PLCB1: variants seen among roughly 807,000 people sequenced by gnomAD.
PLCB1 encodes phospholipase C beta 1.
In PLCB1, 46 loss-of-function variants were observed where a neutral mutation model predicts 161.8. That is an observed-to-expected ratio of 0.28 (90% CI 0.22 to 0.36). PLCB1 has a LOEUF of 0.36. Among genes scored for constraint, PLCB1 ranks in the 10% least tolerant of loss-of-function variants. The pLI is 1.00. For synonymous variants in PLCB1, 517 were observed against 503.7 expected (o/e 1.03, Z -0.35); for missense variants, 1,016 against 1,472.5 (o/e 0.69, Z 5.07).
chr20:8,711,270 G>A (rs1172374993), intron 12 of PLCB1, among the ~76,000 whole-genome samples: 2 of 152,172 alleles, frequency 1.3e-5, no homozygotes, highest in East Asian at 3.9e-4. Flanking sequence ...GACAACGAGA[G>A]CATCCACCAG....
At chr20:8,530,774 C>A (rs981538990) in intron 3 of PLCB1, among the ~76,000 whole-genome samples, 1 of 151,990 alleles carries the variant, frequency 6.6e-6, no homozygotes, top group Admixed American at 6.6e-5. Context: ...TTTTTATATT[C>A]AAGCATTTGG....
chr20:8,870,656 G>A (rs1409600731), intron 31 of PLCB1, among the ~76,000 whole-genome samples: 1 of 152,156 alleles, frequency 6.6e-6, no homozygotes, highest in East Asian at 1.9e-4. Flanking sequence ...TATTGATTCA[G>A]TATTTGGATC....
At chr20:8,508,206 T>G (rs186771264) in intron 3 of PLCB1, among the ~76,000 whole-genome samples, 1 of 152,184 alleles carries the variant, frequency 6.6e-6, no homozygotes, top group African/African-American at 2.4e-5. Flanking sequence ...CTATATTGCA[T>G]GTATAGAAAA....
intron 3 of PLCB1, among the ~76,000 whole-genome samples, chr20:8,474,082 T>C (rs1389701599): frequency 6.6e-6 from 1 of 152,202 alleles, no homozygotes; most frequent in East Asian, 1.9e-4. Flanking sequence ...GGGCATCCAG[T>C]TCGTTCCCAT....
chr20:8,746,393 GA>G (rs1236280203), intron 23 of PLCB1, among the ~76,000 whole-genome samples: 1 of 152,080 alleles, frequency 6.6e-6, no homozygotes, highest in Non-Finnish European at 1.5e-5. Flanking sequence ...AATATTATGT[GA>G]TAATGTCATA....
Position 8,593,895 on chromosome 20 carries a change from T to G in PLCB1, c.247-34399T>G, listed in dbSNP as rs1600176729. On this transcript the variant is annotated intron_variant, in intron 3 of 31. Coordinates refer to ENST00000338037, the MANE Select transcript of PLCB1 (RefSeq NM_015192.4). Reference sequence around the variant, plus strand: ...AAGCCCAAATCTGTGTTATTTTATTTTATTTTAGAGGCAGAATCTTGCTCT... The same window carrying G: ...AAGCCCAAATCTGTGTTATTTTATTGTATTTTAGAGGCAGAATCTTGCTCT... 2.6e-5 allele frequency among the ~76,000 whole-genome samples: 4 copies of G among 152,112 alleles called. No homozygotes were observed. In the South Asian group the frequency reaches 8.3e-4, roughly 32 times the overall value.
At chr20:8,515,535 T>C (rs57643980) in intron 3 of PLCB1, among the ~76,000 whole-genome samples, 13,658 of 152,208 alleles carry the variant, frequency 0.09, 673 homozygotes, top group Middle Eastern at 0.12. Flanking sequence ...TATCTAGAAA[T>C]TTGTATTCCT....
At chr20:8,537,241 G>A (rs1342780782) in intron 3 of PLCB1, among the ~76,000 whole-genome samples, 1 of 152,172 alleles carries the variant, frequency 6.6e-6, no homozygotes, top group African/African-American at 2.4e-5. Context: ...TGGACATCTT[G>A]GAGGTCAAGT....
At chr20:8,276,986 C>CTTATTATTATTATTATTA (rs59903648) in intron 2 of PLCB1, among the ~76,000 whole-genome samples, 27 of 93,348 alleles carry the variant, frequency 2.9e-4, no homozygotes, top group East Asian at 1.7e-3. Context: ...TCTTCTTCTT[C>CTTATTATTATTATTATTA]TTATTATTAT....
intron 2 of PLCB1, among the ~76,000 whole-genome samples, chr20:8,319,600 G>C (rs1984815021): frequency 6.6e-6 from 1 of 152,062 alleles, no homozygotes; most frequent in Non-Finnish European, 1.5e-5. Flanking sequence ...AGTACAAGAA[G>C]GAGGGGGTGA....
intron 31 of PLCB1, among the ~76,000 whole-genome samples, chr20:8,859,463 G>GGCT (rs1172319202): frequency 1.3e-5 from 2 of 152,168 alleles, no homozygotes; most frequent in Admixed American, 6.5e-5. Flanking sequence ...ACTGGTCCTA[G>GGCT]GACCACACTT....
At chr20:8,620,707 C>G (rs780049587) in intron 3 of PLCB1, among the ~76,000 whole-genome samples, 9 of 146,898 alleles carry the variant, frequency 6.1e-5, no homozygotes, top group Non-Finnish European at 7.4e-5. Context: ...CCACTGCACT[C>G]CAGCCTGGGT....
In PLCB1 at chr20:8,882,708, A is replaced by G. The variant is rs972627825; in HGVS notation, c.*859A>G. Reference sequence around the variant, plus strand: ...AGTTGAGCTGATATATGTTAAGCAGATATTCAATCAGAATGAACAGGTTCC... The same window carrying G: ...AGTTGAGCTGATATATGTTAAGCAGGTATTCAATCAGAATGAACAGGTTCC... On this transcript the variant is annotated 3_prime_UTR_variant, in exon 32 of 32. Coordinates refer to ENST00000338037, the MANE Select transcript of PLCB1 (RefSeq NM_015192.4). 2.6e-5 allele frequency: 4 copies of G among 152,320 alleles called. No homozygotes were observed. Among genetic ancestry groups the G allele is most frequent in the African/African-American group, 9.6e-5 (4 of 41,458 alleles). The allele number at this position is 152,320 out of a possible 1,614,324, so 9.4% of individuals were successfully genotyped here.
chr20:8,709,892 T>C (rs1978899596), intron 12 of PLCB1, among the ~76,000 whole-genome samples: 1 of 152,190 alleles, frequency 6.6e-6, no homozygotes, highest in South Asian at 2.1e-4. Context: ...TTCTGTTCCA[T>C]GCTATTTCTG....
intron 1 of PLCB1, among the ~76,000 whole-genome samples, chr20:8,134,332 G>A (rs573083244): frequency 3.3e-5 from 5 of 152,284 alleles, no homozygotes; most frequent in African/African-American, 1.2e-4. Flanking sequence ...GAGAGTGAAG[G>A]GCAGAGGAAA....
intron 31 of PLCB1, among the ~76,000 whole-genome samples, chr20:8,812,809 A>G (rs1984894893): frequency 6.6e-6 from 1 of 152,166 alleles, no homozygotes; most frequent in South Asian, 2.1e-4. Flanking sequence ...AACCAATCCT[A>G]TGGGGAGTGA....
In PLCB1 at chr20:8,603,066, A is replaced by C. The variant is rs150628701; in HGVS notation, c.247-25228A>C. On this transcript the variant is annotated intron_variant, in intron 3 of 31. Coordinates refer to ENST00000338037, the MANE Select transcript of PLCB1 (RefSeq NM_015192.4). ...GGATGATTTGCATTATATGAAGGACACCGAAACACAGAAAATGAAAGGTCT... is the reference window on the plus strand; with the variant it reads ...GGATGATTTGCATTATATGAAGGACCCCGAAACACAGAAAATGAAAGGTCT... Among the ~76,000 whole-genome samples the C allele has an allele frequency of 5.7e-3, 861 of 152,356 alleles. 3 individuals are homozygous for C. Among genetic ancestry groups the C allele is most frequent in the South Asian group, 0.017 (83 of 4,832 alleles).
chr20:8,446,276 T>A (rs1031808638), intron 3 of PLCB1, among the ~76,000 whole-genome samples: 1 of 152,106 alleles, frequency 6.6e-6, no homozygotes, highest in African/African-American at 2.4e-5. Context: ...ATAAACGTAA[T>A]CCAGCATATA....
At chr20:8,710,466 T>A (rs1473629111) in intron 12 of PLCB1, among the ~76,000 whole-genome samples, 22 of 151,324 alleles carry the variant, frequency 1.5e-4, no homozygotes, top group Admixed American at 1.4e-3. Context: ...ACTTGAGCAC[T>A]TTTCTTTCAG....
Sources: gnomAD v4.1 joint callset for allele counts (sites outside exome capture counted in the v4.1 genomes callset) on GRCh38, gnomAD v4.1.1 for gene constraint, MANE v1.5 for transcripts, NCBI Gene and HGNC (gene_info 2026-07-23, HGNC 2026-07-21) for gene names.